Variants in CALD1 observed in about 807,000 individuals in gnomAD.
The protein encoded by CALD1 is caldesmon.
A neutral mutation model predicts 99.9 loss-of-function variants in CALD1; 33 were observed. The ratio of observed to expected loss-of-function variants is 0.33; its 90% CI spans 0.25 to 0.44. The LOEUF is 0.44. CALD1 is among the 20% of genes least tolerant of loss of function. The pLI is 1.00. For missense variants in CALD1, 861 were observed against 962.1 expected (o/e 0.89, Z 1.39); for synonymous variants, 310 against 325.0 (o/e 0.95, Z 0.50).
At chr7:134,887,313 A>G (rs1273292001) in intron 3 of CALD1, among the ~76,000 whole-genome samples, 1 of 152,210 alleles carries the variant, frequency 6.6e-6, no homozygotes, top group Non-Finnish European at 1.5e-5. Context: ...AGAGGCCAAC[A>G]GAAAGGAGGA....
At chr7:134,909,282 T>C (rs1159443800) in intron 3 of CALD1, among the ~76,000 whole-genome samples, 1 of 152,262 alleles carries the variant, frequency 6.6e-6, no homozygotes, top group African/African-American at 2.4e-5. Flanking sequence ...GAGAGAAGTT[T>C]TGAATTTTGA....
chr7:134,859,623 A>G (rs1314176266), intron 2 of CALD1, among the ~76,000 whole-genome samples: 1 of 152,226 alleles, frequency 6.6e-6, no homozygotes. Context: ...GTAGTGGTTA[A>G]GGAGCTAATG....
At chr7:134,716,285 G>A in the CALD1 span, among the ~76,000 whole-genome samples, 1 of 152,094 alleles carries the variant, frequency 6.6e-6, no homozygotes, top group Non-Finnish European at 1.5e-5. Context: ...AATGCAACTG[G>A]CTACTATAAA....
upstream of CALD1, among the ~76,000 whole-genome samples, chr7:134,776,806 A>T (rs1796922302): frequency 6.6e-6 from 1 of 152,218 alleles, no homozygotes; most frequent in African/African-American, 2.4e-5. Flanking sequence ...AATTAAAAAA[A>T]TGGCCTATTT....
chr7:134,719,827 A>C, the CALD1 span, among the ~76,000 whole-genome samples: 1 of 152,212 alleles, frequency 6.6e-6, no homozygotes, highest in Non-Finnish European at 1.5e-5. Flanking sequence ...TTACCTGTTC[A>C]AAAGCCAAAA....
At chr7:134,849,197 C>T (rs1009029183) in intron 2 of CALD1, among the ~76,000 whole-genome samples, 2 of 152,128 alleles carry the variant, frequency 1.3e-5, no homozygotes, top group Non-Finnish European at 2.9e-5. Context: ...CTTTATTATG[C>T]GGTTTATAGG....
At chr7:134,775,423 T>C (rs997444752), upstream of CALD1, among the ~76,000 whole-genome samples, 1 of 152,212 alleles carries the variant, frequency 6.6e-6, no homozygotes, top group Non-Finnish European at 1.5e-5. Context: ...ATTAGAATAA[T>C]GAATGCGGCC....
intron 7 of CALD1, among the ~76,000 whole-genome samples, chr7:134,942,164 G>A (rs1447181231): frequency 6.6e-6 from 1 of 152,168 alleles, no homozygotes; most frequent in African/African-American, 2.4e-5. Flanking sequence ...CTGCAATGTG[G>A]ATTTCCCCGG....
chr7:134,870,625 T>C (rs905862792), intron 3 of CALD1, among the ~76,000 whole-genome samples: 3 of 152,230 alleles, frequency 2.0e-5, no homozygotes, highest in Non-Finnish European at 4.4e-5. Context: ...AATTTATATT[T>C]CTGTCTGTAT....
In CALD1 at chr7:134,935,758, A is replaced by C; in HGVS notation, c.1379A>C (p.Lys460Thr). 1.2e-5 allele frequency: 19 copies of C among 1,590,916 alleles called. No individual in the cohort carries two copies. Among genetic ancestry groups the C allele is most frequent in the Non-Finnish European group, 1.5e-5 (18 of 1,169,836 alleles). The part of the protein sequence containing the change: ...KLQEDKPTFK[K>T]EEIKDEKIKK... ...CAAGAAGACAAGCCTACCTTCAAAAAAGAAGAGGTAAATATGATTGAAAAG... is the reference window on the plus strand; with the variant it reads ...CAAGAAGACAAGCCTACCTTCAAAACAGAAGAGGTAAATATGATTGAAAAG... Residue 460 changes from lysine (K) to threonine (T), a missense_variant, in exon 6 of 15, where the codon AAA becomes ACA. Around this residue, in one of 5 missense-constraint regions of CALD1, gnomAD observed 293 missense variants for 262.7 expected, o/e 1.12. Transcript: ENST00000361675.
chr7:134,867,910 C>T (rs1800877930), intron 3 of CALD1, 106 bp downstream of exon 3: 1 of 529,568 alleles, frequency 1.9e-6, no homozygotes, highest in African/African-American at 2.0e-5. Flanking sequence ...TATCGCACAC[C>T]AAACTGTTCG....
At chr7:134,784,616 T>G (rs1797236770) in intron 1 of CALD1, among the ~76,000 whole-genome samples, 2 of 152,094 alleles carry the variant, frequency 1.3e-5, no homozygotes, top group African/African-American at 4.8e-5. Context: ...CATGGCCCAG[T>G]GTTAGGAAGA....
At chr7:134,954,949 C>T (rs1807650925) in intron 9 of CALD1, among the ~76,000 whole-genome samples, 2 of 152,236 alleles carry the variant, frequency 1.3e-5, no homozygotes, top group South Asian at 4.1e-4. Flanking sequence ...ATCAACACTA[C>T]TGAAAAGCCT....
intron 3 of CALD1, among the ~76,000 whole-genome samples, chr7:134,916,433 G>A (rs146896840): frequency 2.3e-4 from 35 of 152,338 alleles, no homozygotes; most frequent in South Asian, 6.2e-4. Context: ...AGAAAAATGA[G>A]AGTGGAAGCA....
upstream of CALD1, among the ~76,000 whole-genome samples, chr7:134,776,219 A>T (rs887119285): frequency 6.6e-6 from 1 of 152,096 alleles, no homozygotes; most frequent in African/African-American, 2.4e-5. Context: ...TATAATGGGA[A>T]TGCTCTTAAC....
intron 3 of CALD1, among the ~76,000 whole-genome samples, chr7:134,869,625 G>A (rs1800969011): frequency 6.6e-6 from 1 of 152,198 alleles, no homozygotes; most frequent in Non-Finnish European, 1.5e-5. Flanking sequence ...GTCCTAAATG[G>A]AGGATTTCCT....
intron 2 of CALD1, among the ~76,000 whole-genome samples, chr7:134,852,795 G>C (rs1376529920): frequency 6.6e-6 from 1 of 152,152 alleles, no homozygotes; most frequent in Non-Finnish European, 1.5e-5. Context: ...ACTTAAATCT[G>C]TTTAACTTAA....
chr7:134,773,800 G>A (rs1297211989), intron 1 of CALD1, among the ~76,000 whole-genome samples: 2 of 151,354 alleles, frequency 1.3e-5, no homozygotes. Flanking sequence ...GTGTGTGTGT[G>A]TGTGTGTGTG....
chr7:134,796,698 G>T (rs1797756851), intron 1 of CALD1, among the ~76,000 whole-genome samples: 1 of 151,982 alleles, frequency 6.6e-6, no homozygotes, highest in Non-Finnish European at 1.5e-5. Context: ...CAATCATCCT[G>T]CCCTAGCCTC....
Sources: gnomAD v4.1 joint callset for allele counts (sites outside exome capture counted in the v4.1 genomes callset) on GRCh38, gnomAD v4.1.1 for gene constraint, gnomAD v4.1.1 regional missense constraint, MANE v1.5 for transcripts, NCBI Gene and HGNC (gene_info 2026-07-23, HGNC 2026-07-21) for gene names.